C1QTNF2: variants seen among roughly 807,000 people sequenced by gnomAD.
C1QTNF2 encodes C1q and TNF related 2.
A neutral mutation model predicts 17.4 loss-of-function variants in C1QTNF2; 15 were observed. The observed-to-expected ratio is 0.86, with a 90% confidence interval of 0.58 to 1.33. The LOEUF is 1.33. C1QTNF2 is among the 40% of genes most tolerant of loss of function. C1QTNF2 has a pLI of 0.00. For synonymous variants in C1QTNF2, 154 were observed against 163.3 expected (o/e 0.94, Z 0.44); for missense variants, 381 against 392.3 (o/e 0.97, Z 0.24).
rs763049766 is a variant in C1QTNF2 at position 160,349,180 on chromosome 5, G to A, written c.846C>T (p.Pro282=). The A allele has an allele frequency of 1.2e-6, 2 of 1,612,732 alleles. No homozygotes were observed. Among genetic ancestry groups the A allele is most frequent in the Admixed American group, 1.7e-5 (1 of 59,918 alleles). The change falls in exon 3 of 3, where the codon CCC becomes CCT. Residue 282 remains proline (P), a synonymous_variant. Coordinates refer to ENST00000652664, the MANE Select transcript of C1QTNF2 (RefSeq NM_031908.6). This position sits in a 1 kb window ranked among gnomAD's most constrained non-coding sequence, Gnocchi z 4.3. ...GFLIYADQDD[P]NEV is the part of the protein sequence containing the mutation. ...CGCCGTGGCATGTCTATACCTCGTT[G>A]GGGTCATCCTGGTCGGCATAGATTA... is the stretch of plus-strand genomic sequence containing the variant.
intron 2 of C1QTNF2, among the ~76,000 whole-genome samples, chr5:160,350,537 A>G (rs576352991): frequency 1.6e-4 from 25 of 152,128 alleles, no homozygotes; most frequent in African/African-American, 6.0e-4. Context: ...GACAGTCTCT[A>G]CAAAAAATAC....
chr5:160,354,593 A>T (rs1463555672), intron 2 of C1QTNF2, among the ~76,000 whole-genome samples, 175 bp downstream of exon 2: 92 of 30,480 alleles, frequency 3.0e-3, no homozygotes, highest in African/African-American at 0.014. Flanking sequence ...GGAAAAAAAA[A>T]AAAAGTATAT....
intron 1 of C1QTNF2, among the ~76,000 whole-genome samples, chr5:160,367,264 C>T (rs928031276): frequency 2.6e-5 from 4 of 152,154 alleles, no homozygotes; most frequent in Non-Finnish European, 5.9e-5. Flanking sequence ...TCGACGTTTG[C>T]AGCTTTTCTT....
At position 160,349,002 on chromosome 5, in the gene C1QTNF2, A is replaced by G; in HGVS notation, c.*166T>C. The G allele has an allele frequency of 1.3e-6, 1 of 764,224 alleles. No individual in the cohort carries two copies. The highest frequency in any genetic ancestry group is 3.0e-5 in the Admixed American group (1 of 33,394). The allele number at this position is 764,224 out of a possible 1,614,324, so 47.3% of individuals were successfully genotyped here. ...TGAATAAATAGATGGTTGGATGAATAAAAAGGTTTGGATTTAATGAAGGGG... is the reference window on the plus strand; with the variant it reads ...TGAATAAATAGATGGTTGGATGAATGAAAAGGTTTGGATTTAATGAAGGGG... On this transcript the variant is annotated 3_prime_UTR_variant, in exon 3 of 3. Coordinates refer to ENST00000652664, the MANE Select transcript of C1QTNF2 (RefSeq NM_031908.6). The surrounding 1 kb of genome is among the most constrained non-coding windows in gnomAD (Gnocchi z 4.3).
At chr5:160,358,861 A>AC (rs1401651375) in intron 1 of C1QTNF2, among the ~76,000 whole-genome samples, 2 of 151,844 alleles carry the variant, frequency 1.3e-5, no homozygotes, top group Non-Finnish European at 2.9e-5. Flanking sequence ...GCTCACTGCA[A>AC]CCTCCACCTC....
rs1201339970 is a variant in C1QTNF2 at position 160,349,222 on chromosome 5, GCTGT to G, written c.800_803del (p.Asp267AlafsTer7). 1 of 1,614,098 alleles carries G rather than the reference GCTGT, an allele frequency of 6.2e-7. No individual in the cohort carries two copies. Among genetic ancestry groups the G allele is most frequent in the African/African-American group, 1.3e-5 (1 of 75,020 alleles). ...CATAGATTAGGAAGCCCGTAAAGAG[GCTGT>G]CTGTCCAGTAAGGGTCATAGAAGAG... On this transcript the variant is annotated frameshift_variant, in exon 3 of 3. Transcript: ENST00000652664. LOFTEE classifies it high-confidence loss of function. The surrounding 1 kb of genome is among the most constrained non-coding windows in gnomAD (Gnocchi z 4.3).
At position 160,354,788 on chromosome 5, in the gene C1QTNF2, C is replaced by G. The variant is rs766761788; in HGVS notation, c.224G>C (p.Arg75Pro). The change falls in exon 2 of 3, where the codon CGG (arginine) becomes CCG (proline). Residue 75 changes from arginine to proline, a missense_variant. Coordinates refer to ENST00000652664, the MANE Select transcript of C1QTNF2 (RefSeq NM_031908.6). Reference protein sequence around the residue: ...KDGQDGHDGDRGDSGEEGPPG... With the variant: ...KDGQDGHDGDPGDSGEEGPPG... ...CTTACCTTCCTCTCCGCTGTCCCCC[C>G]GGTCGCCGTCGTGTCCATCTTGGCC... is the stretch of plus-strand genomic sequence containing the variant. The G allele has an allele frequency of 2.5e-6, 4 of 1,613,564 alleles. No individual in the cohort carries two copies. Among genetic ancestry groups the G allele is most frequent in the South Asian group, 2.2e-5 (2 of 91,028 alleles).
chr5:160,367,164 C>T (rs528267221), intron 1 of C1QTNF2, among the ~76,000 whole-genome samples: 5 of 152,168 alleles, frequency 3.3e-5, no homozygotes, highest in African/African-American at 1.2e-4. Flanking sequence ...AGTGGCCTCA[C>T]ACAGATCACA....
In C1QTNF2 at chr5:160,349,219, G is replaced by A. The variant is rs1301284139; in HGVS notation, c.807C>T (p.Leu269=). The change falls in exon 3 of 3, where the codon CTC becomes CTT. Residue 269 remains leucine, a synonymous_variant. Transcript: ENST00000652664. This position sits in a 1 kb window ranked among gnomAD's most constrained non-coding sequence, Gnocchi z 4.3. ...CGGCATAGATTAGGAAGCCCGTAAA[G>A]AGGCTGTCTGTCCAGTAAGGGTCAT... is the stretch of plus-strand genomic sequence containing the variant. ...LFYDPYWTDS[L]FTGFLIYADQ... is the part of the protein sequence containing the mutation. 1.2e-6 allele frequency: 2 copies of A among 1,614,196 alleles called. No homozygotes were observed. The highest frequency in any genetic ancestry group is 1.7e-6 in the Non-Finnish European group (2 of 1,180,026).
chr5:160,368,531 CAAAAAAAAAGA>C lies in C1QTNF2; in HGVS notation c.-10+1970_-10+1980del, dbSNP rs1349904715. The stretch of plus-strand genomic sequence containing the variant: ...TGGGCAACAGAGCGAGACTCCTTCT[CAAAAAAAAAGA>C]AAAAAGAAAAAAAAGAGAAGCTAAA... On this transcript the variant is annotated intron_variant, in intron 1 of 2. Transcript: ENST00000652664. Among the ~76,000 whole-genome samples, 273 of 58,156 alleles carry C rather than the reference CAAAAAAAAAGA, an allele frequency of 4.7e-3. 1 individual carries two copies. Among genetic ancestry groups the C allele is most frequent in the Non-Finnish European group, 8.7e-3 (231 of 26,594 alleles). 38.2% of individuals were successfully genotyped at this position (58,156 alleles called of 152,430 possible). A position where few individuals can be genotyped will look rare whatever the true frequency, so the allele number is the denominator to read the frequency against.
At chr5:160,358,326 G>A (rs1317898633) in intron 1 of C1QTNF2, among the ~76,000 whole-genome samples, 1 of 152,208 alleles carries the variant, frequency 6.6e-6, no homozygotes, top group African/African-American at 2.4e-5. Context: ...AAATAGCCCT[G>A]CTCCCAGCTT....
intron 1 of C1QTNF2, among the ~76,000 whole-genome samples, chr5:160,368,135 A>G (rs1764279634): frequency 1.3e-5 from 2 of 152,214 alleles, no homozygotes; most frequent in African/African-American, 4.8e-5. Context: ...GTGTATGCGC[A>G]TGTGTATGTG....
chr5:160,365,723 A>G (rs896019752), intron 1 of C1QTNF2, among the ~76,000 whole-genome samples: 1 of 152,224 alleles, frequency 6.6e-6, no homozygotes, highest in African/African-American at 2.4e-5. Flanking sequence ...TGTCTGTAAA[A>G]TGAGAAAAAT....
intron 1 of C1QTNF2, among the ~76,000 whole-genome samples, chr5:160,357,013 C>T (rs1186456609): frequency 7.2e-5 from 11 of 152,194 alleles, no homozygotes; most frequent in Admixed American, 5.9e-4. Context: ...TGGTTACTCC[C>T]AAAGAGCCTG....
intron 1 of C1QTNF2, among the ~76,000 whole-genome samples, chr5:160,368,338 C>T (rs1764283856): frequency 6.6e-6 from 1 of 151,992 alleles, no homozygotes; most frequent in African/African-American, 2.4e-5. Context: ...TTGAGACCAG[C>T]CCGGCCAATA....
chr5:160,349,108 T>C lies in C1QTNF2; in HGVS notation c.*60A>G, dbSNP rs1763855810. The C allele has an allele frequency of 6.4e-7, 1 of 1,550,746 alleles. No homozygotes were observed. Among genetic ancestry groups the C allele is most frequent in the Non-Finnish European group, 8.7e-7 (1 of 1,148,970 alleles). On this transcript the variant is annotated 3_prime_UTR_variant, in exon 3 of 3. Transcript: ENST00000652664. This position sits in a 1 kb window ranked among gnomAD's most constrained non-coding sequence, Gnocchi z 4.3. ...ACCCCCAGCCTACAGTTGTGGGGTCTTGCTCTGTAAGCCCAAGTCCAGAAG... is the reference window on the plus strand; with the variant it reads ...ACCCCCAGCCTACAGTTGTGGGGTCCTGCTCTGTAAGCCCAAGTCCAGAAG...
rs74840989 is a variant in C1QTNF2 at position 160,364,592 on chromosome 5, C to T, written c.-10+5920G>A. On this transcript the variant is annotated intron_variant, in intron 1 of 2. Transcript: ENST00000652664. ...CTAACTGCAGTTGAACTAACAAAAA[C>T]CAGTCCTGATCTGCCACCCTGAGTC... 6.7e-3 allele frequency among the ~76,000 whole-genome samples: 1,014 copies of T among 152,292 alleles called. 8 individuals carry two copies. Among genetic ancestry groups the T allele is most frequent in the Non-Finnish European group, 0.011 (738 of 68,028 alleles).
chr5:160,354,597 A>AAAATATATATATATATATAT (rs769774870), intron 2 of C1QTNF2, among the ~76,000 whole-genome samples, 171 bp downstream of exon 2: 1 of 89,306 alleles, frequency 1.1e-5, no homozygotes, highest in African/African-American at 4.8e-5. Context: ...AAAAAAAAAA[A>AAAATATATATATATATATAT]GTATATATAT....
chr5:160,358,846 T>C (rs10463079), intron 1 of C1QTNF2, among the ~76,000 whole-genome samples: 110,086 of 151,964 alleles, frequency 0.72, 40,520 homozygotes, highest in Middle Eastern at 0.86. Flanking sequence ...AGTGGCGTGA[T>C]CTCGGCTCAC....
Sources: gnomAD v4.1 joint callset for allele counts (sites outside exome capture counted in the v4.1 genomes callset) on GRCh38, gnomAD v4.1.1 for gene constraint, Gnocchi (gnomAD v3.1) non-coding constraint, MANE v1.5 for transcripts, NCBI Gene and HGNC (gene_info 2026-07-23, HGNC 2026-07-21) for gene names.